ARHGEF7: variants seen among roughly 807,000 people sequenced by gnomAD.
ARHGEF7 encodes PAK-interacting exchange factor beta.
Under a neutral mutation model 109.8 loss-of-function variants are expected in ARHGEF7, and 33 were observed. The ratio of observed to expected loss-of-function variants is 0.30; its 90% CI spans 0.23 to 0.40. The LOEUF is 0.40. Ranked by LOEUF, ARHGEF7 falls within the 10% of genes least tolerant of loss-of-function variation. The pLI is 1.00. For synonymous variants in ARHGEF7, 458 were observed against 424.6 expected (o/e 1.08, Z -0.97); for missense variants, 938 against 1,098.5 (o/e 0.85, Z 2.07).
Position 111,133,112 on chromosome 13 carries a change from T to C in ARHGEF7, c.165+17421T>C, listed in dbSNP as rs138000135. On this transcript the variant is annotated intron_variant, in intron 1 of 21. Coordinates refer to ENST00000646102, the MANE Select transcript of ARHGEF7 (RefSeq NM_001354046.2). The stretch of plus-strand genomic sequence containing the variant: ...CATATATACACATATACATACATGC[T>C]ATCTACACATTTATACACGTGCATA... 8.6e-4 allele frequency among the ~76,000 whole-genome samples: 131 copies of C among 152,062 alleles called. 3 individuals are homozygous for C. In the East Asian group the frequency reaches 0.022, roughly 25 times the overall value.
chr13:111,265,755 A>G (rs1257246667), intron 8 of ARHGEF7: 1 of 455,150 alleles, frequency 2.2e-6, no homozygotes, highest in Non-Finnish European at 4.4e-6. Flanking sequence ...AGCCCTCATG[A>G]ATAGGATCAG....
chr13:111,288,047 C>T (rs531896636), intron 17 of ARHGEF7, among the ~76,000 whole-genome samples: 12 of 152,206 alleles, frequency 7.9e-5, no homozygotes, highest in Non-Finnish European at 1.5e-4. Flanking sequence ...ATTCCTATCT[C>T]CTGCCCTTTT....
At position 111,294,305 on chromosome 13, in the gene ARHGEF7, G is replaced by T. The variant is rs1021365626; in HGVS notation, c.2311+2011G>T. ...GTTTGCCTCGAGACTACTCATTAGC[G>T]CACTGGCTAAGCTGCCTTTGCCTTC... On this transcript the variant is annotated intron_variant, in intron 19 of 21. Coordinates refer to ENST00000646102, the MANE Select transcript of ARHGEF7 (RefSeq NM_001354046.2). 1.1e-5 allele frequency: 11 copies of T among 985,452 alleles called. No homozygotes were observed. In the African/African-American group the frequency reaches 1.7e-4, roughly 16 times the overall value. The allele number at this position is 985,452 out of a possible 1,614,324, so 61.0% of individuals were successfully genotyped here.
chr13:111,143,890 G>A (rs1344149991), intron 1 of ARHGEF7: 2 of 152,130 alleles, frequency 1.3e-5, no homozygotes, highest in African/African-American at 4.8e-5. Flanking sequence ...TAACAATACT[G>A]GGAGAACAAA....
In ARHGEF7 at chr13:111,153,916, G is replaced by GCC. The variant is rs756096642; in HGVS notation, c.180_181dup (p.Arg61ProfsTer8). On this transcript the variant is annotated frameshift_variant, in exon 2 of 22. Coordinates refer to ENST00000646102, the MANE Select transcript of ARHGEF7 (RefSeq NM_001354046.2). LOFTEE classifies it high-confidence loss of function. ...GCTCTGTATTGCAGGTCTACCCCGA[G>GCC]CCCCGGAGCGAGAGCGAGTGCCTGA... 1 of 1,605,328 alleles carries GCC rather than the reference G, an allele frequency of 6.2e-7. No homozygotes were observed. Among genetic ancestry groups the GCC allele is most frequent in the Non-Finnish European group, 8.5e-7 (1 of 1,177,212 alleles).
intron 5 of ARHGEF7, among the ~76,000 whole-genome samples, chr13:111,221,195 ATATC>A (rs2083843784): frequency 1.4e-4 from 10 of 70,976 alleles, no homozygotes; most frequent in Middle Eastern, 0.013. Flanking sequence ...ATGTCTATAT[ATATC>A]TATATAGATA....
chr13:111,250,351 C>T (rs1231181453), intron 8 of ARHGEF7, among the ~76,000 whole-genome samples: 54 of 152,278 alleles, frequency 3.5e-4, no homozygotes, highest in East Asian at 1.9e-4. Flanking sequence ...CCACCACGTG[C>T]GTGATGCTGG....
At chr13:111,195,707 G>T (rs774371742) in intron 2 of ARHGEF7, among the ~76,000 whole-genome samples, 5 of 152,148 alleles carry the variant, frequency 3.3e-5, no homozygotes, top group African/African-American at 4.8e-5. Flanking sequence ...TGATTGCCTC[G>T]GCATAGCGGA....
intron 1 of ARHGEF7, among the ~76,000 whole-genome samples, chr13:111,135,376 T>C (rs976011929): frequency 6.6e-6 from 1 of 152,214 alleles, no homozygotes; most frequent in African/African-American, 2.4e-5. Context: ...ATTGAATCTA[T>C]AAATTACCTT....
At chr13:111,209,824 G>A (rs1566829216) in intron 3 of ARHGEF7, 48 bp from the exon 4 acceptor site, 1 of 1,600,052 alleles carries the variant, frequency 6.2e-7, no homozygotes, top group Non-Finnish European at 8.5e-7. Context: ...TGGGTGCGTG[G>A]TATCAGGCGC....
intron 4 of ARHGEF7, among the ~76,000 whole-genome samples, chr13:111,213,510 T>C (rs980045251): frequency 3.3e-5 from 5 of 152,196 alleles, no homozygotes; most frequent in African/African-American, 1.2e-4. Flanking sequence ...GGAGCTTGCG[T>C]TCCCCAAGGT....
chr13:111,281,155 T>C, intron 15 of ARHGEF7: 1 of 144,730 alleles, frequency 6.9e-6, no homozygotes, highest in Middle Eastern at 3.6e-3. Context: ...TTAGAAAAGC[T>C]CAACAAGTCT....
intron 3 of ARHGEF7, among the ~76,000 whole-genome samples, chr13:111,206,974 AAGAAAAAG>A (rs1157630451): frequency 7.2e-6 from 1 of 138,984 alleles, no homozygotes; most frequent in African/African-American, 2.6e-5. Flanking sequence ...AAAAAAAAAA[AAGAAAAAG>A]AAAAAAAAAG....
chr13:111,195,666 C>G (rs1413516010), intron 2 of ARHGEF7, among the ~76,000 whole-genome samples: 1 of 152,178 alleles, frequency 6.6e-6, no homozygotes, highest in Non-Finnish European at 1.5e-5. Context: ...GCCCAGAGAA[C>G]CATTGCACTC....
At position 111,298,649 on chromosome 13, in the gene ARHGEF7, C is replaced by A. The variant is rs570520941; in HGVS notation, c.2312-2099C>A. Among the ~76,000 whole-genome samples the A allele has an allele frequency of 2.6e-5, 4 of 152,364 alleles. No individual in the cohort carries two copies. The East Asian group carries it at 7.7e-4, about 29-fold the overall frequency. ...TTTTTCTGAAATCATATCTTGCAGT[C>A]CTGTCTGAATCTTCTGTCCGAAAAG... On this transcript the variant is annotated intron_variant, in intron 19 of 21. Transcript: ENST00000646102.
At chr13:111,175,493 G>A (rs2078055738) in intron 2 of ARHGEF7, among the ~76,000 whole-genome samples, 1 of 152,172 alleles carries the variant, frequency 6.6e-6, no homozygotes. Context: ...AAGAGTGCCT[G>A]GGCAAAGGCT....
intron 1 of ARHGEF7, among the ~76,000 whole-genome samples, chr13:111,128,278 G>A (rs2067713240): frequency 6.6e-6 from 1 of 152,230 alleles, no homozygotes. Context: ...CTGTCTTTAT[G>A]TGTAGACTAT....
chr13:111,234,961 T>C (rs1160511067), intron 6 of ARHGEF7, among the ~76,000 whole-genome samples: 3 of 152,224 alleles, frequency 2.0e-5, no homozygotes, highest in Non-Finnish European at 2.9e-5. Flanking sequence ...TAGTGTGTAA[T>C]GTAGCTTATG....
At chr13:111,183,268 A>G (rs890853431) in intron 2 of ARHGEF7, among the ~76,000 whole-genome samples, 1 of 152,122 alleles carries the variant, frequency 6.6e-6, no homozygotes, top group African/African-American at 2.4e-5. Context: ...GTGGACATGT[A>G]CTGGGAGTTA....
Sources: allele counts gnomAD v4.1 joint callset (sites outside exome capture counted in the v4.1 genomes callset), GRCh38; gene constraint gnomAD v4.1.1; transcripts MANE v1.5; gene names NCBI Gene and HGNC (gene_info 2026-07-23, HGNC 2026-07-21).